Variants in TTC28 observed in about 807,000 individuals in gnomAD.
TTC28 encodes tetratricopeptide repeat domain 28.
Under a neutral mutation model 198.0 loss-of-function variants are expected in TTC28, and 61 were observed. That is an observed-to-expected ratio of 0.31 (90% confidence interval 0.25 to 0.38). TTC28 has a LOEUF of 0.38. TTC28 is among the 10% of genes least tolerant of loss of function. The probability of loss-of-function intolerance (pLI) is 1.00; values close to 1 mark genes in which losing one functional copy is unlikely to be tolerated. For missense variants in TTC28, 2,678 were observed against 3,164.0 expected, an observed-to-expected ratio of 0.85 and a Z score of 3.69; for synonymous variants, 1,171 against 1,297.8, an observed-to-expected ratio of 0.90 and a Z score of 2.10.
chr22:28,423,912 C>A (rs2047305605), intron 2 of TTC28, among the ~76,000 whole-genome samples: 1 of 152,166 alleles, frequency 6.6e-6, no homozygotes, highest in Admixed American at 6.5e-5. Flanking sequence ...CAATTTAAAT[C>A]TTGAATGCTA....
chr22:28,465,469 C>CA (rs1293832197), intron 2 of TTC28, among the ~76,000 whole-genome samples: 1 of 151,932 alleles, frequency 6.6e-6, no homozygotes, highest in East Asian at 1.9e-4. Context: ...ACTAAAAATA[C>CA]AAAAATTAGG....
At chr22:28,075,659 A>T (rs1379102129) in intron 12 of TTC28, among the ~76,000 whole-genome samples, 1 of 152,156 alleles carries the variant, frequency 6.6e-6, no homozygotes, top group Admixed American at 6.6e-5. Flanking sequence ...TCCTGCAAAC[A>T]CCATTCAACA....
Position 28,590,034 on chromosome 22 carries a change from CAAAAAAAAAAAAA to C in TTC28, c.381+39505_381+39517del, listed in dbSNP as rs71194779. Among the ~76,000 whole-genome samples, 140 of 68,044 alleles carry C rather than the reference CAAAAAAAAAAAAA, an allele frequency of 2.1e-3. 2 individuals are homozygous for C. Among genetic ancestry groups the C allele is most frequent in the East Asian group, 0.011 (24 of 2,104 alleles). The allele number at this position is 68,044 out of a possible 152,430, so 44.6% of individuals were successfully genotyped here. On this transcript the variant is annotated intron_variant, in intron 2 of 22. Coordinates refer to ENST00000397906, the MANE Select transcript of TTC28 (RefSeq NM_001145418.2). ...CCTGGGCAACAGAACAAGACTCCAT[CAAAAAAAAAAAAA>C]AAAAAAAAAAAAAAACACAGAAAAC...
At chr22:28,501,389 A>C (rs1436918299) in intron 2 of TTC28, among the ~76,000 whole-genome samples, 2 of 152,182 alleles carry the variant, frequency 1.3e-5, no homozygotes. Flanking sequence ...AAATGGTATG[A>C]CGTGTGAAGG....
At chr22:28,508,944 C>T (rs1268921207) in intron 2 of TTC28, among the ~76,000 whole-genome samples, 1 of 152,086 alleles carries the variant, frequency 6.6e-6, no homozygotes, top group Non-Finnish European at 1.5e-5. Context: ...GTAATCCCAG[C>T]ATTTTGGGAG....
At chr22:28,383,910 T>C (rs1380701731) in intron 2 of TTC28, among the ~76,000 whole-genome samples, 1 of 152,192 alleles carries the variant, frequency 6.6e-6, no homozygotes, top group Non-Finnish European at 1.5e-5. Flanking sequence ...TAGAGTAAAA[T>C]CTAAAGTCTT....
chr22:28,443,338 A>T (rs2047654078), intron 2 of TTC28, among the ~76,000 whole-genome samples: 1 of 152,224 alleles, frequency 6.6e-6, no homozygotes, highest in Admixed American at 6.5e-5. Context: ...CTCAAAAAAG[A>T]TTAGACAAGC....
intron 2 of TTC28, among the ~76,000 whole-genome samples, chr22:28,469,684 G>A (rs1035238897): frequency 1.3e-5 from 2 of 152,138 alleles, no homozygotes; most frequent in East Asian, 1.9e-4. Flanking sequence ...CTATATAATG[G>A]AAAAGGCAAG....
At chr22:27,993,991 C>A (rs1028546591) in intron 17 of TTC28, among the ~76,000 whole-genome samples, 21 of 152,242 alleles carry the variant, frequency 1.4e-4, no homozygotes, top group Admixed American at 1.4e-3. Context: ...TCCCTCCGCA[C>A]TGGCTTCTGG....
At chr22:28,444,961 T>C (rs956247373) in intron 2 of TTC28, among the ~76,000 whole-genome samples, 1 of 152,226 alleles carries the variant, frequency 6.6e-6, no homozygotes, top group Non-Finnish European at 1.5e-5. Context: ...TGGACAACTT[T>C]ACTTGGATAT....
chr22:28,314,688 C>T (rs946657676), intron 2 of TTC28, among the ~76,000 whole-genome samples: 8 of 152,040 alleles, frequency 5.3e-5, no homozygotes, highest in African/African-American at 1.9e-4. Flanking sequence ...TCTTACCAGC[C>T]ACCCTCCCTA....
intron 2 of TTC28, among the ~76,000 whole-genome samples, chr22:28,578,982 G>A (rs2050190791): frequency 6.6e-6 from 1 of 151,908 alleles, no homozygotes; most frequent in Non-Finnish European, 1.5e-5. Context: ...CACAAGGGCT[G>A]CAATTCCTGG....
intron 2 of TTC28, among the ~76,000 whole-genome samples, chr22:28,328,795 T>C (rs1312610176): frequency 8.9e-6 from 1 of 111,784 alleles, no homozygotes; most frequent in Non-Finnish European, 1.9e-5. Context: ...ATAATAATAA[T>C]AATAATAATA....
chr22:28,049,209 A>C (rs1939983561), intron 12 of TTC28, among the ~76,000 whole-genome samples: 1 of 152,098 alleles, frequency 6.6e-6, no homozygotes, highest in Non-Finnish European at 1.5e-5. Flanking sequence ...CATCGCCTGC[A>C]CCTGGGAGAT....
chr22:28,246,779 T>C (rs1930133006), intron 5 of TTC28, among the ~76,000 whole-genome samples: 1 of 152,114 alleles, frequency 6.6e-6, no homozygotes, highest in Admixed American at 6.5e-5. Flanking sequence ...CTATTATTCT[T>C]AGTGTGCTAT....
intron 5 of TTC28, among the ~76,000 whole-genome samples, chr22:28,262,571 C>T (rs747191077): frequency 3.3e-5 from 5 of 151,904 alleles, no homozygotes; most frequent in Admixed American, 2.0e-4. Context: ...AACTAACAGC[C>T]GATTTCTATA....
intron 12 of TTC28, 145 bp downstream of exon 12, chr22:28,093,935 G>A (rs1029489485): frequency 2.4e-6 from 2 of 818,878 alleles, no homozygotes; most frequent in Non-Finnish European, 1.8e-6. Flanking sequence ...ACACATATTT[G>A]TTTCTGCTGC....
At chr22:28,480,029 A>G (rs1185889860) in intron 2 of TTC28, among the ~76,000 whole-genome samples, 2 of 152,184 alleles carry the variant, frequency 1.3e-5, no homozygotes, top group Non-Finnish European at 2.9e-5. Context: ...GGGAGAGAAA[A>G]AGGCAAGCAG....
At chr22:28,024,412 G>A (rs1358373724) in intron 13 of TTC28, among the ~76,000 whole-genome samples, 1 of 152,162 alleles carries the variant, frequency 6.6e-6, no homozygotes, top group East Asian at 1.9e-4. Context: ...CAGAGGGTGG[G>A]GGGAAAATGG....
Sources: allele counts gnomAD v4.1 joint callset (sites outside exome capture counted in the v4.1 genomes callset), GRCh38; gene constraint gnomAD v4.1.1; transcripts MANE v1.5; gene names NCBI Gene and HGNC (gene_info 2026-07-23, HGNC 2026-07-21).